Variants in TRMT9B observed in about 807,000 individuals in gnomAD.
The protein encoded by TRMT9B is probable tRNA methyltransferase 9B.
A neutral mutation model predicts 11.5 loss-of-function variants in TRMT9B; 16 were observed. That is an observed-to-expected ratio of 1.39 (90% CI 0.94 to 2.11). TRMT9B has a LOEUF of 2.11. Ranked by LOEUF, TRMT9B falls within the 30% of genes most tolerant of loss-of-function variation. The pLI, the probability that TRMT9B is intolerant of heterozygous loss-of-function variation, is 0.00. For missense variants in TRMT9B, 941 were observed against 553.8 expected (o/e 1.70, Z -7.02); for synonymous variants, 274 against 192.4 (o/e 1.42, Z -3.51).
Position 13,029,015 on chromosome 8 carries a change from C to G in TRMT9B, c.*6971C>G, listed in dbSNP as rs921734673. ...AACTGTCCTATTTTCTTTATATGCT[C>G]TCTTAAATATGTATGTCTGTAAATA... On this transcript the variant is annotated 3_prime_UTR_variant, in exon 5 of 5. Coordinates refer to ENST00000524591, the MANE Select transcript of TRMT9B (RefSeq NM_020844.3). 6.0e-6 allele frequency: 1 copy of G among 166,748 alleles called. No individual in the cohort carries two copies. Among genetic ancestry groups the G allele is most frequent in the Admixed American group, 6.6e-5 (1 of 15,246 alleles). 10.3% of individuals were successfully genotyped at this position (166,748 alleles called of 1,614,324 possible).
Position 13,021,151 on chromosome 8 carries a change from G to T in TRMT9B, c.472G>T (p.Val158Phe), listed in dbSNP as rs772039262. ...TCACTTTGAGAAGCAAGACGTGCTT[G>T]TTCCATGGAACAGGGCTCTGTGTTC... Reference protein sequence around the residue: ...NRHFEKQDVLVPWNRALCSQL... With the variant: ...NRHFEKQDVLFPWNRALCSQL... Residue 158 changes from valine to phenylalanine, a missense_variant, in exon 5 of 5, where the codon GTT becomes TTT. Physicochemically the swap from Val to Phe is conservative, Grantham distance 50. Transcript: ENST00000524591. The T allele has an allele frequency of 1.2e-6, 2 of 1,613,916 alleles. No homozygotes were observed. The highest frequency in any genetic ancestry group is 2.2e-5 in the South Asian group (2 of 91,072).
At chr8:12,984,061 T>A (rs1374755228) in intron 1 of TRMT9B, among the ~76,000 whole-genome samples, 3 of 152,206 alleles carry the variant, frequency 2.0e-5, no homozygotes, top group East Asian at 3.9e-4. Flanking sequence ...ATTGTCCACA[T>A]GGGTGGCTGA....
intron 1 of TRMT9B, among the ~76,000 whole-genome samples, chr8:12,950,290 G>C (rs966140549): frequency 6.6e-6 from 1 of 152,142 alleles, no homozygotes; most frequent in African/African-American, 2.4e-5. Flanking sequence ...GTTTATCACA[G>C]TCTTTCAATC....
chr8:12,952,973 C>G (rs185599634), intron 1 of TRMT9B, among the ~76,000 whole-genome samples: 1 of 152,122 alleles, frequency 6.6e-6, no homozygotes, highest in African/African-American at 2.4e-5. Context: ...CTCCTGACCT[C>G]GTGATCCGCC....
chr8:13,015,598 C>T (rs1001500572), intron 4 of TRMT9B, among the ~76,000 whole-genome samples: 1 of 152,140 alleles, frequency 6.6e-6, no homozygotes, highest in African/African-American at 2.4e-5. Flanking sequence ...AACCAGTCCA[C>T]CTGCCTTGGC....
intron 3 of TRMT9B, among the ~76,000 whole-genome samples, chr8:13,008,790 G>A (rs920872862): frequency 6.6e-6 from 1 of 152,032 alleles, no homozygotes. Context: ...GTGCAGGGGC[G>A]CCATCTCGGC....
intron 2 of TRMT9B, among the ~76,000 whole-genome samples, chr8:12,992,738 G>C (rs975288961): frequency 2.0e-5 from 3 of 151,970 alleles, no homozygotes; most frequent in Non-Finnish European, 2.9e-5. Context: ...GCATGCACCT[G>C]TGGTCTTGTG....
chr8:13,026,369 A>G lies in TRMT9B; in HGVS notation c.*4325A>G, dbSNP rs2954195. On this transcript the variant is annotated 3_prime_UTR_variant, in exon 5 of 5. Transcript: ENST00000524591. ...AGTAAGGGGAACATCACACACTGGG[A>G]CCTGTTGTGACCCCGCTGAGGGAGT... is the stretch of plus-strand genomic sequence containing the variant. The G allele has an allele frequency of 0.13, 21,023 of 164,352 alleles. 1,806 individuals are homozygous for G. Among genetic ancestry groups the G allele is most frequent in the African/African-American group, 0.25 (10,250 of 40,630 alleles). The allele number at this position is 164,352 out of a possible 1,614,324, so 10.2% of individuals were successfully genotyped here.
rs186594887 is a variant in TRMT9B at position 13,004,989 on chromosome 8, C to A, written c.-1-1213C>A. Among the ~76,000 whole-genome samples the A allele has an allele frequency of 5.9e-3, 891 of 151,804 alleles. 5 individuals are homozygous for A. Among genetic ancestry groups the A allele is most frequent in the South Asian group, 0.023 (111 of 4,808 alleles). ...CTGGCTCCCAGACAGCACCTCTAGA[C>A]CTGCCCACGGCCTGGGGGAACTTGC... On this transcript the variant is annotated intron_variant, in intron 2 of 4. Transcript: ENST00000524591.
At chr8:12,971,621 A>T (rs946916737) in intron 1 of TRMT9B, among the ~76,000 whole-genome samples, 1 of 152,210 alleles carries the variant, frequency 6.6e-6, no homozygotes, top group African/African-American at 2.4e-5. Context: ...CCTAATCTGC[A>T]AGAAAAAGAT....
chr8:12,952,281 C>T, intron 1 of TRMT9B: 1 of 390,088 alleles, frequency 2.6e-6, no homozygotes, highest in South Asian at 1.7e-5. Context: ...TGCCTCGGCG[C>T]CCGCCCGCAG....
intron 4 of TRMT9B, among the ~76,000 whole-genome samples, chr8:13,016,837 T>A (rs1437911486): frequency 6.7e-6 from 1 of 149,094 alleles, no homozygotes; most frequent in Non-Finnish European, 1.5e-5. Flanking sequence ...TATGTACGTG[T>A]AATATCATCT....
At chr8:12,952,088 T>G (rs1468250351) in intron 1 of TRMT9B, 4 of 408,890 alleles carry the variant, frequency 9.8e-6, no homozygotes, top group Non-Finnish European at 1.5e-5. Flanking sequence ...TTACACCTGG[T>G]GCAGCCCTCG....
chr8:13,003,863 C>G (rs1189986575), intron 2 of TRMT9B, among the ~76,000 whole-genome samples: 2 of 149,772 alleles, frequency 1.3e-5, no homozygotes, highest in Non-Finnish European at 3.0e-5. Context: ...CTCACAGTGC[C>G]TGGTTTTGAC....
intron 1 of TRMT9B, among the ~76,000 whole-genome samples, chr8:12,988,623 T>C (rs1457175375): frequency 6.6e-6 from 1 of 152,112 alleles, no homozygotes; most frequent in Non-Finnish European, 1.5e-5. Context: ...AATTCCCTTA[T>C]AAAACCATCA....
rs1805024755 is a variant in TRMT9B at position 12,979,560 on chromosome 8, T to G, written c.-199-11274T>G. On this transcript the variant is annotated intron_variant, in intron 1 of 4. Coordinates refer to ENST00000524591, the MANE Select transcript of TRMT9B (RefSeq NM_020844.3). The stretch of plus-strand genomic sequence containing the variant: ...ATGCCTTCCTGCCTTCTTGAATTCC[T>G]CATGCCCTTGGTAGCATTCTCCAGT... Among the ~76,000 whole-genome samples, 2 of 152,206 alleles carry G rather than the reference T, an allele frequency of 1.3e-5. 1 individual carries two copies. Among genetic ancestry groups the G allele is most frequent in the Non-Finnish European group, 2.9e-5 (2 of 68,032 alleles).
intron 3 of TRMT9B, chr8:13,006,629 T>C: frequency 1.5e-6 from 2 of 1,372,606 alleles, no homozygotes; most frequent in South Asian, 4.1e-5. Flanking sequence ...CTCGAGACAG[T>C]CAAGTCAGCA....
In TRMT9B at chr8:12,982,083, A is replaced by G. The variant is rs373997715; in HGVS notation, c.-199-8751A>G. 9.2e-5 allele frequency among the ~76,000 whole-genome samples: 14 copies of G among 152,326 alleles called. No homozygotes were observed. In the East Asian group the frequency reaches 1.2e-3, roughly 13 times the overall value. On this transcript the variant is annotated intron_variant, in intron 1 of 4. Transcript: ENST00000524591. Reference sequence around the variant, plus strand: ...TTTACAATATCTGTATCTATCTATTATATCTATCTGTCTACATACCTCTCC... The same window carrying G: ...TTTACAATATCTGTATCTATCTATTGTATCTATCTGTCTACATACCTCTCC...
intron 4 of TRMT9B, among the ~76,000 whole-genome samples, chr8:13,016,046 G>C (rs1357071081): frequency 2.0e-5 from 3 of 150,302 alleles, no homozygotes; most frequent in African/African-American, 7.3e-5. Flanking sequence ...AGGAGTTTGA[G>C]TCCAGCCTGG....
Sources: allele counts gnomAD v4.1 joint callset (sites outside exome capture counted in the v4.1 genomes callset), GRCh38; gene constraint gnomAD v4.1.1; transcripts MANE v1.5; gene names NCBI Gene and HGNC (gene_info 2026-07-23, HGNC 2026-07-21).